GABRG1: variants seen among roughly 807,000 people sequenced by gnomAD.
GABRG1 encodes gamma-aminobutyric acid type A receptor subunit gamma1.
GABRG1 carries 49 observed loss-of-function variants against 49.8 expected under a neutral mutation model. The ratio of observed to expected loss-of-function variants is 0.98; its 90% CI spans 0.78 to 1.25. The LOEUF is 1.25. Ranked by LOEUF, GABRG1 falls within the 50% of genes most tolerant of loss-of-function variation. The pLI is 0.00. For synonymous variants in GABRG1, 232 were observed against 185.1 expected (o/e 1.25, Z -2.06); for missense variants, 552 against 552.3 (o/e 1.00, Z 0.01).
intron 3 of GABRG1, among the ~76,000 whole-genome samples, chr4:46,067,646 A>C (rs568571845): frequency 8.5e-5 from 13 of 152,246 alleles, no homozygotes; most frequent in African/African-American, 3.1e-4. Context: ...GATGGCACAG[A>C]TCAAACTGTG....
intron 7 of GABRG1, among the ~76,000 whole-genome samples, chr4:46,052,842 C>T (rs1043779340): frequency 2.0e-5 from 3 of 151,786 alleles, no homozygotes; most frequent in Non-Finnish European, 4.4e-5. Flanking sequence ...AGGCAATAAC[C>T]ACCTCTTCCC....
At chr4:46,082,326 C>G (rs1224912637) in intron 3 of GABRG1, among the ~76,000 whole-genome samples, 2 of 151,448 alleles carry the variant, frequency 1.3e-5, no homozygotes, top group African/African-American at 2.4e-5. Context: ...TCCCTTATTT[C>G]TCTTCTTCTC....
At chr4:46,058,174 T>C in intron 7 of GABRG1, 43 bp downstream of exon 7, 1 of 1,540,326 alleles carries the variant, frequency 6.5e-7, no homozygotes, top group Non-Finnish European at 8.8e-7. Context: ...AAAATGATTT[T>C]TTAAAGTTCT....
intron 1 of GABRG1, among the ~76,000 whole-genome samples, chr4:46,107,978 A>G (rs1378468478): frequency 6.6e-6 from 1 of 151,236 alleles, no homozygotes; most frequent in African/African-American, 2.4e-5. Context: ...ATGCTAGAGG[A>G]CATATGACAA....
Position 46,040,360 on chromosome 4 carries a change from T to C in GABRG1, c.*628A>G, listed in dbSNP as rs1717722064. 6.6e-6 allele frequency: 1 copy of C among 152,342 alleles called. No homozygotes were observed. The highest frequency in any genetic ancestry group is 2.1e-4 in the South Asian group (1 of 4,832). The allele number at this position is 152,342 out of a possible 1,614,324, so 9.4% of individuals were successfully genotyped here. On this transcript the variant is annotated 3_prime_UTR_variant, in exon 9 of 9. Transcript: ENST00000295452. ...TAAATGCAACTGGCGTTCTGTTTAA[T>C]ATTGTGTCAGAAAATGGACTGGATT... is the stretch of plus-strand genomic sequence containing the variant.
intron 1 of GABRG1, among the ~76,000 whole-genome samples, chr4:46,104,755 T>A (rs893343119): frequency 5.9e-5 from 9 of 151,490 alleles, no homozygotes; most frequent in African/African-American, 1.9e-4. Context: ...AGGTGCTTAT[T>A]GTGTGCTGAG....
intron 3 of GABRG1, among the ~76,000 whole-genome samples, chr4:46,071,749 A>G (rs1719131706): frequency 6.6e-6 from 1 of 152,046 alleles, no homozygotes; most frequent in Admixed American, 6.6e-5. Context: ...TGAAAAAAGC[A>G]AAAGCTTACA....
chr4:46,082,545 A>T (rs556061802), intron 3 of GABRG1, among the ~76,000 whole-genome samples: 1 of 151,916 alleles, frequency 6.6e-6, no homozygotes, highest in Non-Finnish European at 1.5e-5. Context: ...AATTTTGAAG[A>T]TGAAGGAGGG....
At chr4:46,060,662 T>A (rs745664012) in intron 5 of GABRG1, among the ~76,000 whole-genome samples, 1 of 152,186 alleles carries the variant, frequency 6.6e-6, no homozygotes, top group African/African-American at 2.4e-5. Flanking sequence ...TCTCTATTAG[T>A]CATGCAATGA....
intron 3 of GABRG1, among the ~76,000 whole-genome samples, chr4:46,066,130 T>G (rs1718912447): frequency 6.6e-6 from 1 of 152,328 alleles, no homozygotes; most frequent in South Asian, 2.1e-4. Context: ...GTGTGAATTT[T>G]ACTCAAGATT....
chr4:46,061,998 G>C (rs1176163614), intron 5 of GABRG1, among the ~76,000 whole-genome samples: 1 of 149,340 alleles, frequency 6.7e-6, no homozygotes, highest in Non-Finnish European at 1.5e-5. Flanking sequence ...TTAGCATTAC[G>C]TATATCTCCT....
chr4:46,064,425 G>A lies in GABRG1; in HGVS notation c.625+16C>T, dbSNP rs1718829735. The stretch of plus-strand genomic sequence containing the variant: ...GGTTAAAATTCTATGAAATTATCAA[G>A]TGTTTTGTTACTTACAGCTTGAAAA... On this transcript the variant is annotated intron_variant, in intron 5 of 8. Coordinates refer to ENST00000295452, the MANE Select transcript of GABRG1 (RefSeq NM_173536.4). The A allele has an allele frequency of 1.5e-6, 2 of 1,345,670 alleles. No homozygotes were observed. Among genetic ancestry groups the A allele is most frequent in the Non-Finnish European group, 2.0e-6 (2 of 982,098 alleles). The allele number at this position is 1,345,670 out of a possible 1,614,324, so 83.4% of individuals were successfully genotyped here.
At chr4:46,121,586 C>A (rs1189811022) in intron 1 of GABRG1, among the ~76,000 whole-genome samples, 1 of 139,400 alleles carries the variant, frequency 7.2e-6, no homozygotes, top group Non-Finnish European at 1.5e-5. Flanking sequence ...AAAAGTGTTT[C>A]TGTGTCAAAC....
intron 3 of GABRG1, among the ~76,000 whole-genome samples, chr4:46,077,783 G>T (rs1422206781): frequency 6.6e-6 from 1 of 151,432 alleles, no homozygotes; most frequent in African/African-American, 2.4e-5. Flanking sequence ...ATAAATATAT[G>T]ACAGACAAAT....
Position 46,114,661 on chromosome 4 carries a change from GA to G in GABRG1, c.104+9148del, listed in dbSNP as rs561003490. 3.2e-3 allele frequency among the ~76,000 whole-genome samples: 480 copies of G among 149,570 alleles called. 2 individuals are homozygous for G. Among genetic ancestry groups the G allele is most frequent in the African/African-American group, 0.011 (439 of 41,016 alleles). ...AAATCAATGAATAAGTAAGTGAACA[GA>G]AAAAAAAATTTAAATCCTATTGTGC... On this transcript the variant is annotated intron_variant, in intron 1 of 8. Coordinates refer to ENST00000295452, the MANE Select transcript of GABRG1 (RefSeq NM_173536.4).
In GABRG1 at chr4:46,039,677, A is replaced by C. The variant is rs1328386958; in HGVS notation, c.*1311T>G. On this transcript the variant is annotated 3_prime_UTR_variant, in exon 9 of 9. Transcript: ENST00000295452. ...ATGTCAAGCTACTTACAGGATTATA[A>C]TGATTGAAGCCTAAATTTATTCTTA... The C allele has an allele frequency of 6.6e-6, 1 of 151,794 alleles. No individual in the cohort carries two copies. Among genetic ancestry groups the C allele is most frequent in the Non-Finnish European group, 1.5e-5 (1 of 67,794 alleles). The allele number at this position is 151,794 out of a possible 1,614,324, so 9.4% of individuals were successfully genotyped here.
intron 1 of GABRG1, among the ~76,000 whole-genome samples, chr4:46,120,486 T>C (rs1721062053): frequency 1.3e-5 from 2 of 151,838 alleles, no homozygotes; most frequent in South Asian, 4.1e-4. Flanking sequence ...ACAGGGGTTT[T>C]ATCAATTACG....
intron 1 of GABRG1, among the ~76,000 whole-genome samples, chr4:46,110,333 C>T (rs1303348255): frequency 6.6e-6 from 1 of 150,858 alleles, no homozygotes; most frequent in Non-Finnish European, 1.5e-5. Flanking sequence ...CATAGTGAAC[C>T]CTGCTCTTTT....
chr4:46,039,566 A>G lies in GABRG1; in HGVS notation c.*1422T>C, dbSNP rs533020125. 1 of 151,856 alleles carries G rather than the reference A, an allele frequency of 6.6e-6. No individual in the cohort carries two copies. Among genetic ancestry groups the G allele is most frequent in the East Asian group, 1.9e-4 (1 of 5,164 alleles). 9.4% of individuals were successfully genotyped at this position (151,856 alleles called of 1,614,324 possible). Reference sequence around the variant, plus strand: ...CTTCATCATGGTCATTGGTCTTGGCAACAGAAACAATCTTTAAAGGTTATT... The same window carrying G: ...CTTCATCATGGTCATTGGTCTTGGCGACAGAAACAATCTTTAAAGGTTATT... On this transcript the variant is annotated 3_prime_UTR_variant, in exon 9 of 9. Transcript: ENST00000295452.
Sources: gnomAD v4.1 joint callset for allele counts (sites outside exome capture counted in the v4.1 genomes callset) on GRCh38, gnomAD v4.1.1 for gene constraint, MANE v1.5 for transcripts, NCBI Gene and HGNC (gene_info 2026-07-23, HGNC 2026-07-21) for gene names.